KCND3: variants seen among roughly 807,000 people sequenced by gnomAD.
KCND3 encodes potassium voltage-gated channel subfamily D member 3, also known as A-type voltage-gated potassium channel KCND3.
Under a neutral mutation model 51.1 loss-of-function variants are expected in KCND3, and 9 were observed. That is an observed-to-expected ratio of 0.18 (90% CI 0.11 to 0.31). The LOEUF is 0.31. KCND3 is among the 10% of genes least tolerant of loss of function. The pLI is 1.00. For missense variants in KCND3, 526 were observed against 903.8 expected (o/e 0.58, Z 5.36); for synonymous variants, 349 against 368.0 (o/e 0.95, Z 0.59).
chr1:111,774,896 ACCGGCTGAGGCTGCGAGC>A lies in KCND3; in HGVS notation c.*1163_*1180del, dbSNP rs1245628340. The A allele has an allele frequency of 6.6e-6, 1 of 152,136 alleles. No homozygotes were observed. The highest frequency in any genetic ancestry group is 1.5e-5 in the Non-Finnish European group (1 of 68,092). 9.4% of individuals were successfully genotyped at this position (152,136 alleles called of 1,614,324 possible). ...GGGTCCATAGCAAGGTGCCCTAATGACCGGCTGAGGCTGCGAGCCCTGGGTCCTTCCGTTCTCCCCTCA... is the reference window on the plus strand; with the variant it reads ...GGGTCCATAGCAAGGTGCCCTAATGACCTGGGTCCTTCCGTTCTCCCCTCA... On this transcript the variant is annotated 3_prime_UTR_variant, in exon 8 of 8. Coordinates refer to ENST00000302127, the MANE Select transcript of KCND3 (RefSeq NM_001378969.1).
intron 2 of KCND3, among the ~76,000 whole-genome samples, chr1:111,946,654 C>G (rs951184840): frequency 2.0e-5 from 3 of 152,212 alleles, no homozygotes; most frequent in Admixed American, 6.5e-5. Flanking sequence ...CCTTTTAATA[C>G]TCCCCCAGAG....
chr1:111,812,122 TG>T (rs1176981465), intron 2 of KCND3, among the ~76,000 whole-genome samples: 6 of 152,118 alleles, frequency 3.9e-5, no homozygotes, highest in Non-Finnish European at 7.4e-5. Flanking sequence ...GCACGGTGCC[TG>T]GTAGATGCTC....
intron 1 of KCND3, among the ~76,000 whole-genome samples, chr1:111,985,545 G>A (rs545116156): frequency 1.3e-5 from 2 of 152,302 alleles, no homozygotes; most frequent in Admixed American, 6.5e-5. Context: ...TGCTCGAGCT[G>A]GGACCCCTGG....
chr1:111,787,383 A>C (rs1164825775), intron 2 of KCND3, among the ~76,000 whole-genome samples: 2 of 152,186 alleles, frequency 1.3e-5, no homozygotes, highest in African/African-American at 4.8e-5. Context: ...GACTAGAGAG[A>C]GGTGCTGCAT....
At chr1:111,888,440 C>T (rs1348298968) in intron 2 of KCND3, among the ~76,000 whole-genome samples, 1 of 152,200 alleles carries the variant, frequency 6.6e-6, no homozygotes, top group Non-Finnish European at 1.5e-5. Context: ...GATCCCAGCA[C>T]TTTGGGAGGC....
chr1:111,914,286 A>C (rs77996900), intron 2 of KCND3, among the ~76,000 whole-genome samples: 1 of 145,744 alleles, frequency 6.9e-6, no homozygotes, highest in African/African-American at 2.5e-5. Context: ...AAAAAAAAAA[A>C]CCCATAGCAT....
intron 2 of KCND3, among the ~76,000 whole-genome samples, chr1:111,937,979 G>A (rs1283020636): frequency 6.6e-6 from 1 of 152,200 alleles, no homozygotes; most frequent in Non-Finnish European, 1.5e-5. Context: ...TGGAAGGAAG[G>A]TGAAGTCTGA....
intron 1 of KCND3, among the ~76,000 whole-genome samples, chr1:111,984,703 A>G (rs902423375): frequency 2.0e-5 from 3 of 152,154 alleles, no homozygotes; most frequent in East Asian, 1.9e-4. Context: ...CTCCAGCCCA[A>G]TGGCCCAGGC....
intron 3 of KCND3, 24 bp downstream of exon 3, chr1:111,786,892 TGCTCCCCCGCATCCTTTACACTGCCCCC>T (rs1421534828): frequency 6.2e-7 from 1 of 1,607,126 alleles, no homozygotes; most frequent in Non-Finnish European, 8.5e-7. Context: ...CCCTGACTGG[TGCTCCCCCGCATCCTTTACACTGCCCCC>T]GCTTCCCTGC....
chr1:111,958,155 A>T (rs1673433046), intron 2 of KCND3, among the ~76,000 whole-genome samples: 1 of 152,112 alleles, frequency 6.6e-6, no homozygotes, highest in Admixed American at 6.5e-5. Flanking sequence ...GCATACATAC[A>T]CACCATGGGG....
At chr1:111,958,816 C>T (rs1673476623) in intron 2 of KCND3, among the ~76,000 whole-genome samples, 1 of 152,188 alleles carries the variant, frequency 6.6e-6, no homozygotes, top group Admixed American at 6.5e-5. Context: ...TTTTCATTGC[C>T]TTCTCTTCCT....
Position 111,780,328 on chromosome 1 carries a change from A to G in KCND3, c.1372-14T>C, listed in dbSNP as rs758741005. 1.3e-6 allele frequency: 2 copies of G among 1,555,870 alleles called. No individual in the cohort carries two copies. The highest frequency in any genetic ancestry group is 1.7e-6 in the Non-Finnish European group (2 of 1,148,678). ...TTCTGGGGTGCCCTAGTAAAAAAAG[A>G]AGAGAGATTGAGTAAAAAGCTGGTG... is the stretch of plus-strand genomic sequence containing the variant. On this transcript the variant is annotated splice_polypyrimidine_tract_variant and intron_variant, in intron 4 of 7. Transcript: ENST00000302127. The surrounding 1 kb of genome is among the most constrained non-coding windows in gnomAD (Gnocchi z 4.2).
intron 2 of KCND3, among the ~76,000 whole-genome samples, chr1:111,928,230 C>T (rs558042848): frequency 9.2e-5 from 14 of 152,222 alleles, no homozygotes; most frequent in South Asian, 2.1e-4. Context: ...CATAGGAGCT[C>T]GACAAATACT....
chr1:111,797,397 T>C (rs948002482), intron 2 of KCND3, among the ~76,000 whole-genome samples: 2 of 152,154 alleles, frequency 1.3e-5, no homozygotes, highest in South Asian at 4.1e-4. Flanking sequence ...CACCTACCCA[T>C]AGCCCCTCGC....
At chr1:111,828,765 C>T (rs1307811763) in intron 2 of KCND3, among the ~76,000 whole-genome samples, 1 of 152,206 alleles carries the variant, frequency 6.6e-6, no homozygotes, top group Non-Finnish European at 1.5e-5. Flanking sequence ...TTGCTGTTGC[C>T]ACCGTCCATT....
intron 2 of KCND3, among the ~76,000 whole-genome samples, chr1:111,964,361 C>A (rs1239002117): frequency 6.6e-6 from 1 of 152,170 alleles, no homozygotes; most frequent in East Asian, 1.9e-4. Context: ...AACCTGCGGG[C>A]TGCAGTACAC....
chr1:111,802,425 G>C (rs546271911), intron 2 of KCND3, among the ~76,000 whole-genome samples: 14 of 152,322 alleles, frequency 9.2e-5, no homozygotes, highest in African/African-American at 3.4e-4. Context: ...AAAGAACGTA[G>C]GCCTTGGAGT....
At position 111,987,829 on chromosome 1, in the gene KCND3, G is replaced by A. The variant is rs1272066854; in HGVS notation, c.-73+1676C>T. 3.9e-5 allele frequency among the ~76,000 whole-genome samples: 6 copies of A among 152,172 alleles called. No homozygotes were observed. The South Asian group carries it at 1.0e-3, about 26-fold the overall frequency. On this transcript the variant is annotated intron_variant, in intron 1 of 7. Transcript: ENST00000302127. The stretch of plus-strand genomic sequence containing the variant: ...AGCTATTTTTGTTTTTGGCAGAAGA[G>A]TTTGACAGTGGGAAAGATAGGGGGT...
At chr1:111,869,211 C>G (rs763122075) in intron 2 of KCND3, among the ~76,000 whole-genome samples, 2 of 152,082 alleles carry the variant, frequency 1.3e-5, no homozygotes, top group African/African-American at 2.4e-5. Flanking sequence ...TTTGCTTTAT[C>G]GATTTCAGAC....
Sources: allele counts gnomAD v4.1 joint callset (sites outside exome capture counted in the v4.1 genomes callset), GRCh38; gene constraint gnomAD v4.1.1; non-coding constraint Gnocchi (gnomAD v3.1); transcripts MANE v1.5; gene names NCBI Gene and HGNC (gene_info 2026-07-23, HGNC 2026-07-21).